Variants in SNAPC4 observed in about 807,000 individuals in gnomAD.
The protein encoded by SNAPC4 is snRNA-activating protein complex subunit 4.
In SNAPC4, 127 loss-of-function variants were observed where a neutral mutation model predicts 151.3. The observed-to-expected ratio is 0.84, with a 90% CI of 0.73 to 0.97. SNAPC4 has a LOEUF of 0.97. SNAPC4 is among the 50% of genes least tolerant of loss of function. SNAPC4 has a pLI of 0.00. For synonymous variants in SNAPC4, 1,002 were observed against 824.4 expected, an observed-to-expected ratio of 1.22 and a Z score of -3.69; for missense variants, 2,186 against 1,935.0, an observed-to-expected ratio of 1.13 and a Z score of -2.43.
intron 13 of SNAPC4, among the ~76,000 whole-genome samples, chr9:136,386,862 C>T (rs1377395226): frequency 6.6e-6 from 1 of 151,010 alleles, no homozygotes; most frequent in Non-Finnish European, 1.5e-5. Flanking sequence ...AAGCGATTCT[C>T]CTGCCTCAGC....
intron 21 of SNAPC4, 26 bp downstream of exon 21, chr9:136,379,811 C>A: frequency 1.2e-6 from 2 of 1,611,544 alleles, no homozygotes; most frequent in South Asian, 2.2e-5. Context: ...GGTCTCTTCC[C>A]CACCAGGGCA....
chr9:136,384,512 G>C (rs1336467785), intron 14 of SNAPC4, among the ~76,000 whole-genome samples: 1 of 152,160 alleles, frequency 6.6e-6, no homozygotes, highest in Non-Finnish European at 1.5e-5. Flanking sequence ...CGTCGGGTGT[G>C]GTGGCACACA....
Position 136,378,876 on chromosome 9 carries a change from A to G in SNAPC4, c.2951T>C (p.Met984Thr), listed in dbSNP as rs768539591. 6 of 1,610,966 alleles carry G rather than the reference A, an allele frequency of 3.7e-6. No individual in the cohort carries two copies. Among genetic ancestry groups the G allele is most frequent in the Middle Eastern group, 1.6e-4 (1 of 6,062 alleles). Residue 984 changes from methionine (M) to threonine (T), a missense_variant, in exon 22 of 24, where the codon ATG becomes ACG. Transcript: ENST00000684778. Reference sequence around the variant, plus strand: ...GACAGGAGCGAGGGGCAGGGCTTGCATGGTGGAGAGTCTCTTGTCCTTGGC... The same window carrying G: ...GACAGGAGCGAGGGGCAGGGCTTGCGTGGTGGAGAGTCTCTTGTCCTTGGC... ...TSAKDKRLST[M>T]QALPLAPVFS...
intron 8 of SNAPC4, 22 bp from the exon 9 acceptor site, chr9:136,392,616 T>C (rs764179961): frequency 5.0e-6 from 8 of 1,613,634 alleles, no homozygotes; most frequent in Non-Finnish European, 6.8e-6. Context: ...GATGAGGGTA[T>C]TGGCACCACG....
intron 1 of SNAPC4, among the ~76,000 whole-genome samples, chr9:136,398,962 G>A (rs1377666308): frequency 2.6e-5 from 4 of 152,236 alleles, no homozygotes; most frequent in Non-Finnish European, 5.9e-5. Flanking sequence ...CAGCATGGTT[G>A]GGAAGGAAGC....
chr9:136,399,436 G>C (rs1834379589), intron 1 of SNAPC4, among the ~76,000 whole-genome samples: 1 of 152,266 alleles, frequency 6.6e-6, no homozygotes, highest in African/African-American at 2.4e-5. Flanking sequence ...GGCTGGTTCA[G>C]CGCCTCCGGG....
At chr9:136,381,236 A>C in intron 19 of SNAPC4, 86 bp downstream of exon 19, 1 of 1,044,318 alleles carries the variant, frequency 9.6e-7, no homozygotes, top group Non-Finnish European at 1.5e-6. Context: ...CTAGACTTTA[A>C]GGAATGAATC....
intron 13 of SNAPC4, among the ~76,000 whole-genome samples, chr9:136,385,705 A>G (rs1447850987): frequency 6.6e-6 from 1 of 151,940 alleles, no homozygotes; most frequent in Non-Finnish European, 1.5e-5. Flanking sequence ...ACAGGTGCCC[A>G]CCACCATGTG....
At chr9:136,400,061 G>C (rs1394290779) in intron 1 of SNAPC4, 73 bp downstream of exon 1, 1 of 152,122 alleles carries the variant, frequency 6.6e-6, no homozygotes, top group Non-Finnish European at 1.5e-5. Context: ...CCTCGGGACA[G>C]CGCCCCCTCC....
intron 6 of SNAPC4, 132 bp from the exon 7 acceptor site, chr9:136,394,462 G>C (rs1834190414): frequency 3.9e-6 from 3 of 776,610 alleles, no homozygotes; most frequent in Non-Finnish European, 6.8e-6. Context: ...CAGACCTACT[G>C]ACGTGGCCCC....
Position 136,383,300 on chromosome 9 carries a change from C to T in SNAPC4, c.1869G>A (p.Glu623=). 6.2e-7 allele frequency: 1 copy of T among 1,612,182 alleles called. No homozygotes were observed. The highest frequency in any genetic ancestry group is 1.3e-5 in the African/African-American group (1 of 75,064). ...EASTTAAAPG[E]ETSPVQVPAR... ...CAGGGACCTGCACCGGACTCGTCTC[C>T]TCTCCAGGAGCCGCGGCTGTGGTGG... Residue 623 remains glutamate (E), a synonymous_variant, in exon 16 of 24, where the codon GAG becomes GAA. Coordinates refer to ENST00000684778, the MANE Select transcript of SNAPC4 (RefSeq NM_003086.4). This position sits in a 1 kb window ranked among gnomAD's most constrained non-coding sequence, Gnocchi z 4.2.
At chr9:136,385,529 C>T (rs12379380) in intron 13 of SNAPC4, among the ~76,000 whole-genome samples, 40,591 of 151,694 alleles carry the variant, frequency 0.27, 5,618 homozygotes, top group Admixed American at 0.32. Context: ...TTTACAGAAA[C>T]GCGGTATTTA....
intron 10 of SNAPC4, among the ~76,000 whole-genome samples, chr9:136,390,318 G>A: frequency 6.6e-6 from 1 of 152,158 alleles, no homozygotes. Context: ...CACTTTGGGA[G>A]GCTGAGGCCG....
intron 10 of SNAPC4, among the ~76,000 whole-genome samples, 168 bp downstream of exon 10, chr9:136,391,774 G>A (rs1834082362): frequency 6.6e-6 from 1 of 152,264 alleles, no homozygotes; most frequent in African/African-American, 2.4e-5. Flanking sequence ...TAGTGGCAGA[G>A]AGGGCTGGGC....
Position 136,379,228 on chromosome 9 carries a change from C to A in SNAPC4, c.2599G>T (p.Ala867Ser). The change falls in exon 22 of 24, where the codon GCG (alanine) becomes TCG (serine). Residue 867 changes from alanine to serine, a missense_variant. Physicochemically the swap from Ala to Ser is moderately conservative, Grantham distance 99. Transcript: ENST00000684778. The part of the protein sequence containing the change: ...SASHKGSRRL[A>S]SSRVERTLPQ... The stretch of plus-strand genomic sequence containing the variant: ...AGGGTGCGCTCCACCCGGCTGGACG[C>A]CAGTCTTCGGCTCCCTTTGTGGCTG... The A allele has an allele frequency of 6.2e-7, 1 of 1,612,420 alleles. No homozygotes were observed. Among genetic ancestry groups the A allele is most frequent in the Non-Finnish European group, 8.5e-7 (1 of 1,179,878 alleles).
chr9:136,385,008 G>A (rs184620810), intron 13 of SNAPC4, among the ~76,000 whole-genome samples, 194 bp from the exon 14 acceptor site: 29 of 152,334 alleles, frequency 1.9e-4, no homozygotes, highest in Admixed American at 2.6e-4. Flanking sequence ...AGTAGAAAGT[G>A]TACAGGCTGG....
rs371786157 is a variant in SNAPC4, at chr9:136,377,893, G to A, written c.3934C>T (p.Arg1312Ter). 15 of 1,611,326 alleles carry A rather than the reference G, an allele frequency of 9.3e-6. No homozygotes were observed. The highest frequency in any genetic ancestry group is 1.3e-5 in the Non-Finnish European group (15 of 1,179,816). Reference sequence around the variant, plus strand: ...TGGAGTAGGAGACCGGACAGAGCTCGCAGGCTGCACAGGGCTGGGGGCTGA... The same window carrying A: ...TGGAGTAGGAGACCGGACAGAGCTCACAGGCTGCACAGGGCTGGGGGCTGA... ...PYQPPALCSL[R>*]ALSGLLLHKK... Residue 1312 changes from arginine (R) to a stop codon, truncating the protein, a stop_gained, in exon 22 of 24, where the codon CGA becomes TGA. Coordinates refer to ENST00000684778, the MANE Select transcript of SNAPC4 (RefSeq NM_003086.4). LOFTEE classifies it high-confidence loss of function.
At chr9:136,384,850 T>C (rs766324266) in intron 13 of SNAPC4, 36 bp from the exon 14 acceptor site, 3 of 1,225,160 alleles carry the variant, frequency 2.4e-6, no homozygotes, top group South Asian at 2.6e-5. Context: ...ACGTTTTAGA[T>C]GCCGAGACGC....
chr9:136,382,035 G>A lies in SNAPC4; in HGVS notation c.2106C>T (p.Ser702=). 6.2e-7 allele frequency: 1 copy of A among 1,602,754 alleles called. No homozygotes were observed. The highest frequency in any genetic ancestry group is 8.5e-7 in the Non-Finnish European group (1 of 1,175,644). ...CGCTGTCACCAGAGCTGACCCCTGG[G>A]GATGAGGTGGGCAGGGGTGGCTGCC... is the stretch of plus-strand genomic sequence containing the variant. ...QLRQPPLPTS[S]PGVSSGDSVA... Residue 702 remains serine, a synonymous_variant, in exon 18 of 24, where the codon TCC becomes TCT. Coordinates refer to ENST00000684778, the MANE Select transcript of SNAPC4 (RefSeq NM_003086.4).
Sources: allele counts gnomAD v4.1 joint callset (sites outside exome capture counted in the v4.1 genomes callset), GRCh38; gene constraint gnomAD v4.1.1; non-coding constraint Gnocchi (gnomAD v3.1); transcripts MANE v1.5; gene names NCBI Gene and HGNC (gene_info 2026-07-23, HGNC 2026-07-21).